Variants in MSI1 observed in about 807,000 individuals in gnomAD.
The protein encoded by MSI1 is RNA-binding protein Musashi homolog 1.
A neutral mutation model predicts 54.4 loss-of-function variants in MSI1; 15 were observed. That is an observed-to-expected ratio of 0.28 (90% CI 0.18 to 0.42). The LOEUF is 0.42. MSI1 is among the 20% of genes least tolerant of loss of function. The probability of loss-of-function intolerance (pLI) is 1.00; values close to 1 mark genes in which losing one functional copy is unlikely to be tolerated. For missense variants in MSI1, 304 were observed against 506.0 expected (o/e 0.60, Z 3.83); for synonymous variants, 200 against 196.5 (o/e 1.02, Z -0.15).
At chr12:120,340,259 T>G (rs1290005997), downstream of MSI1, among the ~76,000 whole-genome samples, 1 of 151,930 alleles carries the variant, frequency 6.6e-6, no homozygotes, top group Non-Finnish European at 1.5e-5. Context: ...GCTAATTTTT[T>G]GTATTTTAGT....
intron 9 of MSI1, 55 bp downstream of exon 9, chr12:120,356,847 T>G (rs1268443725): frequency 6.6e-7 from 1 of 1,504,586 alleles, no homozygotes; most frequent in Non-Finnish European, 9.2e-7. Flanking sequence ...CAGCCCCTGC[T>G]AGTCCTGGGA....
In MSI1 at chr12:120,341,946, G is replaced by A. The variant is rs1022099969; in HGVS notation, c.*1181C>T. 1.3e-5 allele frequency: 2 copies of A among 152,780 alleles called. No homozygotes were observed. The highest frequency in any genetic ancestry group is 6.5e-5 in the Admixed American group (1 of 15,278). The allele number at this position is 152,780 out of a possible 1,614,324, so 9.5% of individuals were successfully genotyped here. A position where few individuals can be genotyped will look rare whatever the true frequency, so the allele number is the denominator to read the frequency against. On this transcript the variant is annotated 3_prime_UTR_variant, in exon 15 of 15. Transcript: ENST00000257552. ...TCTGAACCTCTCTTTTTCCTTAGAA[G>A]GGGGGTCTGGGGTGAGGGGCTGCCA...
At chr12:120,350,682 G>A (rs1048697550) in intron 11 of MSI1, among the ~76,000 whole-genome samples, 3 of 152,184 alleles carry the variant, frequency 2.0e-5, no homozygotes, top group African/African-American at 7.2e-5. Context: ...GGCTGGCTCC[G>A]CAGCTGAGCT....
chr12:120,358,952 C>T (rs1198694692), intron 7 of MSI1, 53 bp downstream of exon 7: 1 of 1,548,850 alleles, frequency 6.5e-7, no homozygotes, highest in Non-Finnish European at 8.7e-7. Flanking sequence ...GACCTGCAGC[C>T]CCCTGGCTGA....
intron 9 of MSI1, 60 bp from the exon 10 acceptor site, chr12:120,353,439 A>C: frequency 6.7e-7 from 1 of 1,495,188 alleles, no homozygotes; most frequent in Non-Finnish European, 9.3e-7. Context: ...CTGATCATGG[A>C]GAAGGACCTG....
chr12:120,343,489 T>C (rs780482285), intron 14 of MSI1, among the ~76,000 whole-genome samples: 1 of 152,014 alleles, frequency 6.6e-6, no homozygotes, highest in African/African-American at 2.4e-5. Context: ...CTCCCAAAGA[T>C]CTGGGATTAC....
At chr12:120,357,257 A>G (rs541844330) in intron 8 of MSI1, among the ~76,000 whole-genome samples, 1 of 152,326 alleles carries the variant, frequency 6.6e-6, no homozygotes, top group South Asian at 2.1e-4. Flanking sequence ...GAGCTTTTCC[A>G]GTCCCATTTG....
intron 14 of MSI1, among the ~76,000 whole-genome samples, chr12:120,344,964 A>C (rs1873987565): frequency 6.8e-6 from 1 of 147,110 alleles, no homozygotes; most frequent in Non-Finnish European, 1.5e-5. Context: ...GCAGTGAGCC[A>C]AGATTGCGCC....
intron 11 of MSI1, among the ~76,000 whole-genome samples, chr12:120,351,124 C>T (rs1239914840): frequency 6.6e-6 from 1 of 152,092 alleles, no homozygotes; most frequent in Non-Finnish European, 1.5e-5. Context: ...GAATGAGTGA[C>T]TTTGCCTCCA....
chr12:120,351,398 A>C lies in MSI1; in HGVS notation c.736T>G (p.Phe246Val). 6.2e-7 allele frequency: 1 copy of C among 1,613,632 alleles called. No individual in the cohort carries two copies. Among genetic ancestry groups the C allele is most frequent in the Non-Finnish European group, 8.5e-7 (1 of 1,179,896 alleles). Residue 246 changes from phenylalanine (F) to valine (V), a missense_variant and splice_region_variant, in exon 11 of 15, where the codon TTC (phenylalanine) becomes GTC (valine). By Grantham distance (50) the Phe-to-Val change is conservative. Coordinates refer to ENST00000257552, the MANE Select transcript of MSI1 (RefSeq NM_002442.4). ...GGGAGAGGGGTCCGCTCTACACGGA[A>C]TTCTAAAATGAAACGTAAAACAGCT... ...APGYTYQFPEFRVERTPLPSA... is the reference protein window; with the variant it reads ...APGYTYQFPEVRVERTPLPSA...
rs896309081 is a variant in MSI1, at chr12:120,341,947, G to A, written c.*1180C>T. The A allele has an allele frequency of 6.5e-6, 1 of 152,762 alleles. No individual in the cohort carries two copies. The highest frequency in any genetic ancestry group is 1.9e-4 in the East Asian group (1 of 5,170). The allele number at this position is 152,762 out of a possible 1,614,324, so 9.5% of individuals were successfully genotyped here. A position where few individuals can be genotyped will look rare whatever the true frequency, so the allele number is the denominator to read the frequency against. ...CTGAACCTCTCTTTTTCCTTAGAAG[G>A]GGGGTCTGGGGTGAGGGGCTGCCAA... On this transcript the variant is annotated 3_prime_UTR_variant, in exon 15 of 15. Coordinates refer to ENST00000257552, the MANE Select transcript of MSI1 (RefSeq NM_002442.4).
intron 11 of MSI1, among the ~76,000 whole-genome samples, chr12:120,348,495 C>T (rs557096963): frequency 3.9e-4 from 59 of 152,286 alleles, no homozygotes; most frequent in African/African-American, 5.8e-4. Context: ...CCAACCATAA[C>T]GCCTTAGCAC....
chr12:120,342,650 T>TAAAAAA lies in MSI1; in HGVS notation c.*471_*476dup, dbSNP rs35991527. On this transcript the variant is annotated 3_prime_UTR_variant, in exon 15 of 15. Coordinates refer to ENST00000257552, the MANE Select transcript of MSI1 (RefSeq NM_002442.4). ...AGAAATAGTTTAAAAAAGGTTTCTT[T>TAAAAAA]AAAAAAAAAAAAAAAAAAAAAAAGG... 1 of 99,784 alleles carries TAAAAAA rather than the reference T, an allele frequency of 1.0e-5. No individual in the cohort carries two copies. Among genetic ancestry groups the TAAAAAA allele is most frequent in the Non-Finnish European group, 2.0e-5 (1 of 50,556 alleles). The allele number at this position is 99,784 out of a possible 1,614,324, so 6.2% of individuals were successfully genotyped here.
In MSI1 at chr12:120,341,423, G is replaced by C. The variant is rs1873664732; in HGVS notation, c.*1704C>G. On this transcript the variant is annotated 3_prime_UTR_variant, in exon 15 of 15. Transcript: ENST00000257552. ...TGGAGAGAAGAGACACCGGAGGATG[G>C]TAACTTGCTGGCTTCGAAACACCAT... 1 of 152,126 alleles carries C rather than the reference G, an allele frequency of 6.6e-6. No individual in the cohort carries two copies. Among genetic ancestry groups the C allele is most frequent in the African/African-American group, 2.4e-5 (1 of 41,242 alleles). The allele number at this position is 152,126 out of a possible 1,614,324, so 9.4% of individuals were successfully genotyped here.
rs1484289491 is a variant in MSI1 at position 120,357,002 on chromosome 12, A to G, written c.552T>C (p.Ala184=). The G allele has an allele frequency of 1.2e-6, 2 of 1,614,228 alleles. No homozygotes were observed. The highest frequency in any genetic ancestry group is 1.7e-6 in the Non-Finnish European group (2 of 1,180,042). The part of the protein sequence containing the change: ...INNKMVECKK[A]QPKEVMSPTG... ...TTGGCGACATCACCTCCTTTGGCTG[A>G]GCTTTCTTACATTCCACCTGCAATG... The change falls in exon 9 of 15, where the codon GCT becomes GCC. Residue 184 remains alanine (A), a synonymous_variant. Transcript: ENST00000257552.
At chr12:120,345,921 C>T (rs1874076765) in intron 13 of MSI1, among the ~76,000 whole-genome samples, 1 of 152,180 alleles carries the variant, frequency 6.6e-6, no homozygotes. Context: ...TCATTTGCAC[C>T]TAGAGCCCAC....
At chr12:120,357,132 T>C in intron 8 of MSI1, 113 bp from the exon 9 acceptor site, 6 of 955,244 alleles carry the variant, frequency 6.3e-6, no homozygotes, top group Non-Finnish European at 9.9e-6. Context: ...AGCTGAAAAC[T>C]ATTTCATGGT....
At position 120,351,709 on chromosome 12, in the gene MSI1, CT is replaced by C. The variant is rs1874614761; in HGVS notation, c.734-310del. On this transcript the variant is annotated intron_variant, in intron 10 of 14. Coordinates refer to ENST00000257552, the MANE Select transcript of MSI1 (RefSeq NM_002442.4). ...GTTTCTTTTCTTTTTCTTTCTTTCT[CT>C]CTTTTTTTTTTTTTTTGAAATGGAG... 1.4e-4 allele frequency among the ~76,000 whole-genome samples: 17 copies of C among 117,368 alleles called. No individual in the cohort carries two copies. The South Asian group carries it at 5.5e-3, about 38-fold the overall frequency. 77.0% of individuals were successfully genotyped at this position (117,368 alleles called of 152,430 possible).
At chr12:120,360,759 G>A (rs1272382401) in intron 6 of MSI1, among the ~76,000 whole-genome samples, 1 of 152,102 alleles carries the variant, frequency 6.6e-6, no homozygotes, top group African/African-American at 2.4e-5. Context: ...TCTGGCTTTG[G>A]TTCCTCATCT....
Sources: allele counts gnomAD v4.1 joint callset (sites outside exome capture counted in the v4.1 genomes callset), GRCh38; gene constraint gnomAD v4.1.1; transcripts MANE v1.5; gene names NCBI Gene and HGNC (gene_info 2026-07-23, HGNC 2026-07-21).